SDC2: variants seen among roughly 807,000 people sequenced by gnomAD.
The protein encoded by SDC2 is syndecan-2.
SDC2 carries 13 observed loss-of-function variants against 22.2 expected under a neutral mutation model. The observed-to-expected ratio is 0.59, with a 90% confidence interval of 0.38 to 0.93. The LOEUF (loss-of-function observed/expected upper bound fraction) is 0.93, where lower values mean the gene tolerates loss of function less well. SDC2 is among the 40% of genes least tolerant of loss of function. The pLI is 0.00. For missense variants in SDC2, 235 were observed against 246.8 expected (o/e 0.95, Z 0.32); for synonymous variants, 94 against 92.8 (o/e 1.01, Z -0.07).
At chr8:96,556,098 G>A (rs1419122667) in intron 1 of SDC2, among the ~76,000 whole-genome samples, 1 of 151,630 alleles carries the variant, frequency 6.6e-6, no homozygotes, top group African/African-American at 2.4e-5. Flanking sequence ...TTATCTACTG[G>A]AAAGTCAGTA....
rs1388470999 is a variant in SDC2 at position 96,516,685 on chromosome 8, A to G, written c.60+22354A>G. Among the ~76,000 whole-genome samples, 6 of 152,300 alleles carry G rather than the reference A, an allele frequency of 3.9e-5. 1 individual carries two copies. The South Asian group carries it at 1.0e-3, about 26-fold the overall frequency. On this transcript the variant is annotated intron_variant, in intron 1 of 4. Transcript: ENST00000302190. ...TTATGTAAGTGGAATCATGTAATAT[A>G]TGGCCTTTTGTGATTAACTTCTTTC... is the stretch of plus-strand genomic sequence containing the variant.
chr8:96,536,938 T>G (rs1431707572), intron 1 of SDC2, among the ~76,000 whole-genome samples: 1 of 152,156 alleles, frequency 6.6e-6, no homozygotes, highest in Non-Finnish European at 1.5e-5. Context: ...AGGTCCCCCA[T>G]TGAGGAGTTT....
intron 1 of SDC2, among the ~76,000 whole-genome samples, chr8:96,515,790 C>T (rs773704281): frequency 3.3e-5 from 5 of 152,076 alleles, no homozygotes; most frequent in Non-Finnish European, 7.4e-5. Context: ...CTCCCAAAGG[C>T]GGATATTTTT....
intron 1 of SDC2, among the ~76,000 whole-genome samples, chr8:96,587,496 G>T (rs1361506734): frequency 6.6e-6 from 1 of 152,128 alleles, no homozygotes; most frequent in African/African-American, 2.4e-5. Flanking sequence ...TAAACAAAGG[G>T]CTCTTTCCTT....
Position 96,558,349 on chromosome 8 carries a change from G to A in SDC2, c.61-35131G>A, listed in dbSNP as rs536375652. ...GAGTTGGCTTATGGTGTTTTGTGGC[G>A]TGCAGCTGATAGGCCTTCATGGATA... On this transcript the variant is annotated intron_variant, in intron 1 of 4. Coordinates refer to ENST00000302190, the MANE Select transcript of SDC2 (RefSeq NM_002998.4). 1.2e-4 allele frequency among the ~76,000 whole-genome samples: 18 copies of A among 152,174 alleles called. No individual in the cohort carries two copies. The South Asian group carries it at 1.2e-3, about 11-fold the overall frequency.
At chr8:96,577,342 G>A (rs992844191) in intron 1 of SDC2, among the ~76,000 whole-genome samples, 1 of 152,200 alleles carries the variant, frequency 6.6e-6, no homozygotes, top group Admixed American at 6.5e-5. Flanking sequence ...TAGAAGGGAT[G>A]GTTGGTCAGG....
rs1266250919 is a variant in SDC2 at position 96,608,486 on chromosome 8, G to T, written c.442+16G>T. 2 of 1,604,750 alleles carry T rather than the reference G, an allele frequency of 1.2e-6. No homozygotes were observed. Among genetic ancestry groups the T allele is most frequent in the Non-Finnish European group, 1.7e-6 (2 of 1,175,574 alleles). On this transcript the variant is annotated intron_variant, in intron 4 of 4. Transcript: ENST00000302190. ...GTCCTAGCAGGTGAGTAGCCTGGTG[G>T]GCCTCAGGTGGGAGGGTGCCTACAT...
chr8:96,604,263 T>C (rs1438579996), intron 3 of SDC2, among the ~76,000 whole-genome samples: 1 of 152,198 alleles, frequency 6.6e-6, no homozygotes, highest in Non-Finnish European at 1.5e-5. Context: ...ATTTAAGTTT[T>C]TAAAAATTGG....
intron 1 of SDC2, among the ~76,000 whole-genome samples, chr8:96,570,732 A>G (rs926742101): frequency 5.3e-5 from 8 of 152,228 alleles, no homozygotes; most frequent in Admixed American, 2.6e-4. Context: ...AAATATCTCA[A>G]TAATTTTTAC....
chr8:96,553,991 T>C (rs149183289), intron 1 of SDC2, among the ~76,000 whole-genome samples: 2,715 of 152,172 alleles, frequency 0.018, 40 homozygotes, highest in Non-Finnish European at 0.028. Context: ...GGTTTCACCA[T>C]GTTGCCCAGG....
chr8:96,541,392 A>G (rs911261126), intron 1 of SDC2, among the ~76,000 whole-genome samples: 5 of 151,726 alleles, frequency 3.3e-5, no homozygotes, highest in African/African-American at 1.2e-4. Flanking sequence ...CTGTGTTCCC[A>G]GCTACTCAGG....
At position 96,580,801 on chromosome 8, in the gene SDC2, G is replaced by A. The variant is rs548710295; in HGVS notation, c.61-12679G>A. On this transcript the variant is annotated intron_variant, in intron 1 of 4. Transcript: ENST00000302190. ...ATTGCCATTGGCTACTTTACAGAAGGCATTTATTTGCAGGAATGGGGTACC... is the reference window on the plus strand; with the variant it reads ...ATTGCCATTGGCTACTTTACAGAAGACATTTATTTGCAGGAATGGGGTACC... 3.3e-5 allele frequency among the ~76,000 whole-genome samples: 5 copies of A among 152,270 alleles called. No individual in the cohort carries two copies. The East Asian group carries it at 9.7e-4, about 29-fold the overall frequency.
intron 1 of SDC2, among the ~76,000 whole-genome samples, chr8:96,568,479 A>G (rs1814336823): frequency 6.6e-6 from 1 of 152,254 alleles, no homozygotes; most frequent in Admixed American, 6.5e-5. Context: ...TTTGCCAGAC[A>G]GGCATGGTAG....
rs550386554 is a variant in SDC2 at position 96,547,979 on chromosome 8, C to G, written c.61-45501C>G. On this transcript the variant is annotated intron_variant, in intron 1 of 4. Coordinates refer to ENST00000302190, the MANE Select transcript of SDC2 (RefSeq NM_002998.4). ...GTTTTGCTATGTTGCCCAGGCTGGT[C>G]TCAAACTCCTGGGCTCAGGCCATCC... Among the ~76,000 whole-genome samples the G allele has an allele frequency of 2.0e-5, 3 of 152,238 alleles. No individual in the cohort carries two copies. The East Asian group carries it at 5.8e-4, about 29-fold the overall frequency.
chr8:96,518,436 C>T (rs1369802625), intron 1 of SDC2, among the ~76,000 whole-genome samples: 1 of 150,540 alleles, frequency 6.6e-6, no homozygotes, highest in Non-Finnish European at 1.5e-5. Flanking sequence ...TCTCGGCCCA[C>T]TGCAAGCTCC....
At chr8:96,558,455 A>G (rs2130555755) in intron 1 of SDC2, among the ~76,000 whole-genome samples, 1 of 152,352 alleles carries the variant, frequency 6.6e-6, no homozygotes, top group Non-Finnish European at 1.5e-5. Context: ...CATACAACAC[A>G]GAATTTCTGA....
intron 1 of SDC2, among the ~76,000 whole-genome samples, chr8:96,542,605 A>G (rs1039866856): frequency 6.6e-6 from 1 of 152,122 alleles, no homozygotes; most frequent in African/African-American, 2.4e-5. Context: ...ACCTGAACTT[A>G]GCATCCCGGA....
chr8:96,604,508 GAAT>G (rs1212523186), intron 3 of SDC2, among the ~76,000 whole-genome samples: 12 of 152,126 alleles, frequency 7.9e-5, no homozygotes, highest in Admixed American at 3.9e-4. Flanking sequence ...TGAATAACAT[GAAT>G]AATAATGATT....
In SDC2 at chr8:96,593,464, G is replaced by A; in HGVS notation, c.61-16G>A. 1 of 1,566,768 alleles carries A rather than the reference G, an allele frequency of 6.4e-7. No homozygotes were observed. On this transcript the variant is annotated splice_polypyrimidine_tract_variant and intron_variant, in intron 1 of 4. Coordinates refer to ENST00000302190, the MANE Select transcript of SDC2 (RefSeq NM_002998.4). The stretch of plus-strand genomic sequence containing the variant: ...AATCTCTCAACATCCTGACTCCCTT[G>A]TCTTTCCTTTCTCAGAGAGCAGAGC...
Sources: allele counts gnomAD v4.1 joint callset (sites outside exome capture counted in the v4.1 genomes callset), GRCh38; gene constraint gnomAD v4.1.1; transcripts MANE v1.5; gene names NCBI Gene and HGNC (gene_info 2026-07-23, HGNC 2026-07-21).